The following GABPB1 variants were observed in gnomAD, a reference collection of about 807,000 sequenced individuals.
The protein encoded by GABPB1 is GA binding protein transcription factor subunit beta 1.
A neutral mutation model predicts 45.9 loss-of-function variants in GABPB1; 15 were observed. The ratio of observed to expected loss-of-function variants is 0.33; its 90% CI spans 0.22 to 0.50. GABPB1 has a LOEUF of 0.50. Among genes scored for constraint, GABPB1 ranks in the 20% least tolerant of loss-of-function variants. The probability of loss-of-function intolerance (pLI) is 0.98; values close to 1 mark genes in which losing one functional copy is unlikely to be tolerated. For missense variants in GABPB1, 252 were observed against 457.5 expected (o/e 0.55, Z 4.10); for synonymous variants, 143 against 154.4 (o/e 0.93, Z 0.55).
At chr15:50,323,939 T>G (rs1333097098) in intron 1 of GABPB1, among the ~76,000 whole-genome samples, 5 of 152,158 alleles carry the variant, frequency 3.3e-5, no homozygotes, top group African/African-American at 1.2e-4. Context: ...GTGGTGCTCA[T>G]GCCTGTAATC....
At chr15:50,278,982 T>C (rs745481668) in intron 8 of GABPB1, among the ~76,000 whole-genome samples, 198 bp from the exon 9 acceptor site, 24 of 152,112 alleles carry the variant, frequency 1.6e-4, no homozygotes, top group Non-Finnish European at 2.9e-4. Flanking sequence ...CATTATGAGA[T>C]ATGGATTAAT....
chr15:50,291,446 G>A (rs1040296986), intron 6 of GABPB1, among the ~76,000 whole-genome samples: 2 of 150,872 alleles, frequency 1.3e-5, no homozygotes, highest in African/African-American at 4.9e-5. Flanking sequence ...AGCCTCCCAA[G>A]TAACTGGGAA....
At position 50,299,468 on chromosome 15, in the gene GABPB1, C is replaced by T. The variant is rs183918611; in HGVS notation, c.697+1321G>A. ...AGGCTGGAGTGCAATGGCGTGATCT[C>T]GGCTCACCGCAACCTCCACCTCCCG... On this transcript the variant is annotated intron_variant, in intron 6 of 8. Coordinates refer to ENST00000380877, the MANE Select transcript of GABPB1 (RefSeq NM_016654.5). 3.8e-4 allele frequency among the ~76,000 whole-genome samples: 58 copies of T among 152,264 alleles called. 1 individual carries two copies. In the East Asian group the frequency reaches 9.9e-3, roughly 26 times the overall value.
intron 2 of GABPB1, among the ~76,000 whole-genome samples, chr15:50,304,817 C>T (rs766928353): frequency 3.7e-4 from 56 of 151,960 alleles, no homozygotes; most frequent in Non-Finnish European, 4.3e-4. Flanking sequence ...AAGTTAACTT[C>T]GTCTGTAAAA....
At chr15:50,285,892 A>G (rs2046136361) in intron 8 of GABPB1, 176 bp downstream of exon 8, 1 of 1,364,272 alleles carries the variant, frequency 7.3e-7, no homozygotes, top group Non-Finnish European at 9.4e-7. Context: ...CATTCATTCA[A>G]TATTTATTTA....
chr15:50,337,130 A>ATATATATATATAT (rs1285570529), intron 1 of GABPB1, among the ~76,000 whole-genome samples: 5 of 3,860 alleles, frequency 1.3e-3, no homozygotes, highest in African/African-American at 1.9e-3. Context: ...TATATATATA[A>ATATATATATATAT]TATGAAGAGG....
At chr15:50,341,355 A>G (rs895861615) in intron 1 of GABPB1, among the ~76,000 whole-genome samples, 5 of 152,038 alleles carry the variant, frequency 3.3e-5, no homozygotes, top group African/African-American at 1.2e-4. Context: ...CAACATGGAG[A>G]AACCCCGTCT....
At chr15:50,307,082 G>A (rs918750138) in intron 2 of GABPB1, among the ~76,000 whole-genome samples, 2 of 152,048 alleles carry the variant, frequency 1.3e-5, no homozygotes, top group Admixed American at 1.3e-4. Context: ...AATAGTCTTA[G>A]AAGCCCAACT....
intron 1 of GABPB1, among the ~76,000 whole-genome samples, chr15:50,326,528 G>T (rs537905644): frequency 6.6e-6 from 1 of 152,114 alleles, no homozygotes; most frequent in Non-Finnish European, 1.5e-5. Context: ...TGGGCATGGT[G>T]GCATGCGCCT....
intron 6 of GABPB1, among the ~76,000 whole-genome samples, chr15:50,292,663 G>C (rs2046388074): frequency 6.6e-6 from 1 of 152,164 alleles, no homozygotes; most frequent in African/African-American, 2.4e-5. Flanking sequence ...AGGACAACTT[G>C]AAAATGGACC....
At chr15:50,301,633 C>T (rs1039347407) in intron 4 of GABPB1, among the ~76,000 whole-genome samples, 2 of 152,014 alleles carry the variant, frequency 1.3e-5, no homozygotes, top group Admixed American at 6.6e-5. Flanking sequence ...GAACACAGAA[C>T]AACTGGACAT....
At chr15:50,290,145 T>C (rs1045408511) in intron 6 of GABPB1, among the ~76,000 whole-genome samples, 12 of 152,208 alleles carry the variant, frequency 7.9e-5, no homozygotes, top group Admixed American at 2.6e-4. Flanking sequence ...GAGATATCTA[T>C]GTAACCAGTT....
At chr15:50,298,585 G>C (rs2046607339) in intron 6 of GABPB1, among the ~76,000 whole-genome samples, 1 of 152,132 alleles carries the variant, frequency 6.6e-6, no homozygotes, top group African/African-American at 2.4e-5. Flanking sequence ...CAAATCTTAA[G>C]ACTCCCAAAT....
At chr15:50,332,813 T>A (rs1243524127) in intron 1 of GABPB1, among the ~76,000 whole-genome samples, 1 of 152,134 alleles carries the variant, frequency 6.6e-6, no homozygotes, top group African/African-American at 2.4e-5. Flanking sequence ...ACTCTACCTA[T>A]CCTACTTGTT....
At chr15:50,332,432 C>T (rs1331913541) in intron 1 of GABPB1, among the ~76,000 whole-genome samples, 1 of 152,096 alleles carries the variant, frequency 6.6e-6, no homozygotes, top group African/African-American at 2.4e-5. Context: ...TGTTTGGATT[C>T]CAGTTTGAAG....
At chr15:50,302,840 A>T (rs1194877217) in intron 4 of GABPB1, 89 bp downstream of exon 4, 1 of 866,284 alleles carries the variant, frequency 1.2e-6, no homozygotes. Context: ...GGCTACAAAC[A>T]ATAGTTTAAA....
At chr15:50,303,250 G>A in intron 3 of GABPB1, 127 bp from the exon 4 acceptor site, 2 of 743,926 alleles carry the variant, frequency 2.7e-6, no homozygotes, top group Non-Finnish European at 4.3e-6. Flanking sequence ...ATATGTATAT[G>A]TTAAATAGAT....
intron 4 of GABPB1, 46 bp downstream of exon 4, chr15:50,302,883 A>C (rs1470519951): frequency 3.9e-6 from 5 of 1,282,760 alleles, no homozygotes; most frequent in African/African-American, 3.0e-5. Flanking sequence ...CTCTACTGAT[A>C]AGGCTTCTTT....
intron 1 of GABPB1, among the ~76,000 whole-genome samples, chr15:50,334,504 CCTTT>C (rs2048050856): frequency 7.4e-6 from 1 of 134,874 alleles, no homozygotes; most frequent in Non-Finnish European, 1.6e-5. Flanking sequence ...TTCTTTTTTT[CCTTT>C]TTTTTTTTTT....
Sources: allele counts gnomAD v4.1 joint callset (sites outside exome capture counted in the v4.1 genomes callset), GRCh38; gene constraint gnomAD v4.1.1; transcripts MANE v1.5; gene names NCBI Gene and HGNC (gene_info 2026-07-23, HGNC 2026-07-21).